DOCK10: variants seen among roughly 807,000 people sequenced by gnomAD.
DOCK10 encodes dedicator of cytokinesis 10.
DOCK10 carries 145 observed loss-of-function variants against 280.1 expected under a neutral mutation model. The observed-to-expected ratio is 0.52, with a 90% CI of 0.45 to 0.59. The LOEUF is 0.59. Ranked by LOEUF, DOCK10 falls within the 20% of genes least tolerant of loss-of-function variation. DOCK10 has a pLI of 0.00. For missense variants in DOCK10, 2,368 were observed against 2,651.7 expected (o/e 0.89, Z 2.35); for synonymous variants, 915 against 942.2 (o/e 0.97, Z 0.53).
intron 1 of DOCK10, among the ~76,000 whole-genome samples, chr2:224,951,085 AC>A (rs1451551184): frequency 6.6e-6 from 1 of 152,216 alleles, no homozygotes; most frequent in African/African-American, 2.4e-5. Context: ...ATCTAGACAT[AC>A]TTGTGCTTAA....
Position 224,837,829 on chromosome 2 carries a change from A to G in DOCK10, c.2783T>C (p.Val928Ala). 1 of 1,613,844 alleles carries G rather than the reference A, an allele frequency of 6.2e-7. No individual in the cohort carries two copies. The highest frequency in any genetic ancestry group is 8.5e-7 in the Non-Finnish European group (1 of 1,179,828). ...EDEITTTVTRVLTDIVAKCHE... is the reference protein window; with the variant it reads ...EDEITTTVTRALTDIVAKCHE... ...GCACTTGGCCACAATGTCGGTCAGA[A>G]CCCTGCAAAAGCAAAGCTGTTCAGT... is the stretch of plus-strand genomic sequence containing the variant. The change falls in exon 25 of 56, where the codon GTT becomes GCT. Residue 928 changes from valine to alanine, a missense_variant and splice_region_variant. Val to Ala is a moderately conservative substitution (Grantham distance 64, BLOSUM62 0). Transcript: ENST00000258390.
rs776775319 is a variant in DOCK10 at position 224,797,922 on chromosome 2, G to T, written c.4554C>A (p.Val1518=). 1.9e-6 allele frequency: 3 copies of T among 1,613,696 alleles called. No individual in the cohort carries two copies. Among genetic ancestry groups the T allele is most frequent in the Middle Eastern group, 1.6e-4 (1 of 6,084 alleles). The part of the protein sequence containing the change: ...CDCQNSLMKR[V]FDTYMLFFQV... ...GGAAAAAGAGCATGTAGGTATCAAA[G>T]ACCCTTTTCATCAATGAATTTTGAC... is the stretch of plus-strand genomic sequence containing the variant. The change falls in exon 42 of 56, where the codon GTC becomes GTA. Residue 1518 remains valine, a synonymous_variant. Coordinates refer to ENST00000258390, the MANE Select transcript of DOCK10 (RefSeq NM_014689.3).
intron 29 of DOCK10, among the ~76,000 whole-genome samples, chr2:224,818,186 GA>G (rs1283442953): frequency 6.6e-6 from 1 of 152,130 alleles, no homozygotes; most frequent in East Asian, 1.9e-4. Flanking sequence ...ACGTTTTGGT[GA>G]AAGACAGACC....
At chr2:225,028,056 A>G (rs1689964966) in intron 1 of DOCK10, among the ~76,000 whole-genome samples, 1 of 152,152 alleles carries the variant, frequency 6.6e-6, no homozygotes, top group African/African-American at 2.4e-5. Flanking sequence ...AATAGGCCCC[A>G]CAAAGATGTC....
chr2:224,985,605 A>T (rs1705951969), intron 1 of DOCK10, among the ~76,000 whole-genome samples: 1 of 149,578 alleles, frequency 6.7e-6, no homozygotes, highest in Non-Finnish European at 1.5e-5. Flanking sequence ...AAGGCATTTC[A>T]AGAGAGTAAA....
chr2:225,009,393 A>G (rs989836766), intron 1 of DOCK10, among the ~76,000 whole-genome samples: 9 of 152,330 alleles, frequency 5.9e-5, no homozygotes, highest in African/African-American at 2.2e-4. Context: ...CCGAATTTCT[A>G]AATTAGTAAG....
intron 2 of DOCK10, among the ~76,000 whole-genome samples, chr2:224,929,735 C>G (rs746031998): frequency 1.3e-5 from 2 of 152,156 alleles, no homozygotes; most frequent in Non-Finnish European, 2.9e-5. Flanking sequence ...AGACACTCCT[C>G]AATTTAAATG....
rs1233018476 is a variant in DOCK10 at position 224,840,035 on chromosome 2, C to T, written c.2699G>A (p.Ser900Asn). 1.7e-5 allele frequency: 26 copies of T among 1,559,308 alleles called. No individual in the cohort carries two copies. The highest frequency in any genetic ancestry group is 2.3e-5 in the Non-Finnish European group (26 of 1,148,044). ...LNVEKIHAIM[S>N]FLPIILNQLF... ...CTGATTCAAAATTATAGGCAGAAAACTCATGATTGCATGAATCTTTTCCAC... is the reference window on the plus strand; with the variant it reads ...CTGATTCAAAATTATAGGCAGAAAATTCATGATTGCATGAATCTTTTCCAC... The change falls in exon 24 of 56, where the codon AGT becomes AAT. Residue 900 changes from serine to asparagine, a missense_variant. Ser to Asn is a conservative substitution (Grantham distance 46). Around this residue, in one of 2 missense-constraint regions of DOCK10, gnomAD observed 1,209 missense variants for 1,250.9 expected, o/e 0.97. Coordinates refer to ENST00000258390, the MANE Select transcript of DOCK10 (RefSeq NM_014689.3).
intron 1 of DOCK10, among the ~76,000 whole-genome samples, chr2:224,949,316 T>C (rs1703602194): frequency 6.6e-6 from 1 of 152,220 alleles, no homozygotes; most frequent in Non-Finnish European, 1.5e-5. Flanking sequence ...CAAGAACCAG[T>C]AATAAGGAGC....
chr2:224,959,548 A>G (rs1053612726), intron 1 of DOCK10, among the ~76,000 whole-genome samples: 8 of 151,270 alleles, frequency 5.3e-5, no homozygotes, highest in African/African-American at 1.7e-4. Flanking sequence ...AAAAGATGCT[A>G]CTGTCTCTCA....
In DOCK10 at chr2:224,862,652, CTG is replaced by C. The variant is rs777869305; in HGVS notation, c.1685+10_1685+11del. The C allele has an allele frequency of 8.7e-6, 14 of 1,608,852 alleles. No individual in the cohort carries two copies. In the African/African-American group the frequency reaches 1.9e-4, roughly 21 times the overall value. On this transcript the variant is annotated intron_variant, in intron 14 of 55. Coordinates refer to ENST00000258390, the MANE Select transcript of DOCK10 (RefSeq NM_014689.3). ...TGTATTTCTAGTCTGTTGGCTGCAA[CTG>C]TCAACATACCTTACTGCCCAAGCAA...
At chr2:224,858,378 G>A (rs765166534) in intron 14 of DOCK10, among the ~76,000 whole-genome samples, 1 of 151,990 alleles carries the variant, frequency 6.6e-6, no homozygotes, top group Non-Finnish European at 1.5e-5. Flanking sequence ...ATAACTGGTG[G>A]CTGGGCGCGG....
intron 27 of DOCK10, among the ~76,000 whole-genome samples, chr2:224,827,278 A>C (rs2125368522): frequency 6.9e-6 from 1 of 145,138 alleles, no homozygotes; most frequent in South Asian, 2.1e-4. Context: ...AAAAAAAAAA[A>C]AGTAAAGAAA....
At chr2:224,996,622 C>T (rs977554607) in intron 1 of DOCK10, among the ~76,000 whole-genome samples, 9 of 152,194 alleles carry the variant, frequency 5.9e-5, no homozygotes, top group African/African-American at 1.7e-4. Flanking sequence ...ACCCTTATGG[C>T]TACTGCGAAA....
At chr2:225,032,065 ATATCT>A in intron 1 of DOCK10, among the ~76,000 whole-genome samples, 1 of 152,224 alleles carries the variant, frequency 6.6e-6, no homozygotes, top group Non-Finnish European at 1.5e-5. Flanking sequence ...CTAAAATCAG[ATATCT>A]TAATCAATAA....
chr2:224,831,938 C>T lies in DOCK10; in HGVS notation c.2965-1326G>A, dbSNP rs562377297. Among the ~76,000 whole-genome samples the T allele has an allele frequency of 1.2e-3, 183 of 152,152 alleles. 1 individual carries two copies. The highest frequency in any genetic ancestry group is 2.3e-3 in the Non-Finnish European group (154 of 68,024). On this transcript the variant is annotated intron_variant, in intron 26 of 55. Transcript: ENST00000258390. ...AGGGGAGGTAGGGGCTCCTGGTGGGCTTGTTCTCTTAGCTCCTCTTAAACC... is the reference window on the plus strand; with the variant it reads ...AGGGGAGGTAGGGGCTCCTGGTGGGTTTGTTCTCTTAGCTCCTCTTAAACC...
At chr2:224,862,639 C>T (rs1488339034) in intron 14 of DOCK10, 25 bp downstream of exon 14, 4 of 1,585,896 alleles carry the variant, frequency 2.5e-6, no homozygotes, top group South Asian at 1.1e-5. Flanking sequence ...TATTTCTAGT[C>T]TGTTGGCTGC....
At chr2:224,792,269 G>A (rs917020286) in intron 47 of DOCK10, among the ~76,000 whole-genome samples, 6 of 152,048 alleles carry the variant, frequency 3.9e-5, no homozygotes, top group Non-Finnish European at 2.9e-5. Flanking sequence ...ATATATATAT[G>A]TATATATCTT....
chr2:225,022,889 G>A (rs609615), intron 1 of DOCK10, among the ~76,000 whole-genome samples: 78,201 of 151,944 alleles, frequency 0.51, 20,923 homozygotes, highest in South Asian at 0.69. Context: ...TGAGAACTTT[G>A]TATGGGACAT....
Sources: gnomAD v4.1 joint callset for allele counts (sites outside exome capture counted in the v4.1 genomes callset) on GRCh38, gnomAD v4.1.1 for gene constraint, gnomAD v4.1.1 regional missense constraint, MANE v1.5 for transcripts, NCBI Gene and HGNC (gene_info 2026-07-23, HGNC 2026-07-21) for gene names.